PRKCA: variants seen among roughly 807,000 people sequenced by gnomAD.
The protein encoded by PRKCA is protein kinase C alpha type.
In PRKCA, 27 loss-of-function variants were observed where a neutral mutation model predicts 87.0. The ratio of observed to expected loss-of-function variants is 0.31; its 90% CI spans 0.23 to 0.43. The LOEUF is 0.43. Ranked by LOEUF, PRKCA falls within the 20% of genes least tolerant of loss-of-function variation. The pLI, the probability that PRKCA is intolerant of heterozygous loss-of-function variation, is 1.00. For synonymous variants in PRKCA, 329 were observed against 311.1 expected (o/e 1.06, Z -0.61); for missense variants, 518 against 852.3 (o/e 0.61, Z 4.88).
intron 3 of PRKCA, among the ~76,000 whole-genome samples, chr17:66,541,485 G>C (rs1297985191): frequency 6.6e-6 from 1 of 152,226 alleles, no homozygotes; most frequent in Non-Finnish European, 1.5e-5. Flanking sequence ...CTACTCTGCT[G>C]GTCTTGGATG....
intron 3 of PRKCA, among the ~76,000 whole-genome samples, chr17:66,608,551 C>T (rs891156050): frequency 1.3e-5 from 2 of 151,754 alleles, no homozygotes; most frequent in African/African-American, 2.4e-5. Flanking sequence ...TTTTGTATAC[C>T]CTATACGATA....
chr17:66,715,824 C>T (rs962867374), intron 8 of PRKCA, among the ~76,000 whole-genome samples: 2 of 152,098 alleles, frequency 1.3e-5, no homozygotes, highest in African/African-American at 4.8e-5. Context: ...GTAAGGCAGA[C>T]TAGTGAATCT....
intron 16 of PRKCA, among the ~76,000 whole-genome samples, chr17:66,802,274 C>T (rs1975918644): frequency 6.6e-6 from 1 of 152,034 alleles, no homozygotes; most frequent in African/African-American, 2.4e-5. Context: ...GTCATAAAGA[C>T]CTTACTTTGA....
chr17:66,568,960 A>C (rs1968981714), intron 3 of PRKCA, among the ~76,000 whole-genome samples: 1 of 152,126 alleles, frequency 6.6e-6, no homozygotes, highest in Non-Finnish European at 1.5e-5. Context: ...TGGTTTTTTT[A>C]ATGAATGAGG....
At chr17:66,538,512 G>C (rs1000930766) in intron 3 of PRKCA, among the ~76,000 whole-genome samples, 1 of 152,198 alleles carries the variant, frequency 6.6e-6, no homozygotes, top group Non-Finnish European at 1.5e-5. Flanking sequence ...AGCAAACTTC[G>C]AGAAGTGTCT....
At chr17:66,508,781 C>G (rs547982528) in intron 3 of PRKCA, among the ~76,000 whole-genome samples, 1 of 152,312 alleles carries the variant, frequency 6.6e-6, no homozygotes, top group African/African-American at 2.4e-5. Flanking sequence ...GTTGGTCTTA[C>G]TGACTCTGGA....
intron 2 of PRKCA, among the ~76,000 whole-genome samples, chr17:66,423,377 C>A (rs1012491748): frequency 6.6e-6 from 1 of 152,056 alleles, no homozygotes; most frequent in Admixed American, 6.6e-5. Flanking sequence ...GAAATCTTGC[C>A]TTATTTGGAT....
intron 2 of PRKCA, among the ~76,000 whole-genome samples, chr17:66,444,939 C>T (rs1913957019): frequency 1.3e-5 from 2 of 152,166 alleles, no homozygotes; most frequent in South Asian, 4.1e-4. Context: ...GAACACAACA[C>T]ACAACACACA....
chr17:66,494,744 A>G (rs962601227), intron 2 of PRKCA, among the ~76,000 whole-genome samples: 1 of 152,184 alleles, frequency 6.6e-6, no homozygotes. Flanking sequence ...GCTAGACTTC[A>G]AGCTTTCAAG....
intron 3 of PRKCA, among the ~76,000 whole-genome samples, chr17:66,570,724 G>A (rs772548793): frequency 2.0e-5 from 3 of 152,104 alleles, no homozygotes; most frequent in Admixed American, 1.3e-4. Flanking sequence ...AACTGTGCTC[G>A]TCTGGAGCTG....
intron 8 of PRKCA, among the ~76,000 whole-genome samples, chr17:66,728,853 T>C (rs1973818093): frequency 6.6e-6 from 1 of 152,222 alleles, no homozygotes; most frequent in Admixed American, 6.5e-5. Context: ...AACTGCGTGC[T>C]ACAGTTGGAA....
intron 2 of PRKCA, among the ~76,000 whole-genome samples, chr17:66,411,994 A>G (rs1911834580): frequency 1.4e-5 from 2 of 145,178 alleles, no homozygotes; most frequent in South Asian, 4.5e-4. Flanking sequence ...TTTTCAGGAA[A>G]AAAAATCTTT....
Position 66,381,524 on chromosome 17 carries a change from G to T in PRKCA, c.205+75397G>T, listed in dbSNP as rs763341056. Among the ~76,000 whole-genome samples the T allele has an allele frequency of 5.1e-4, 77 of 152,292 alleles. 1 individual carries two copies. The highest frequency in any genetic ancestry group is 3.1e-4 in the Non-Finnish European group (21 of 68,026). On this transcript the variant is annotated intron_variant, in intron 2 of 16. Coordinates refer to ENST00000413366, the MANE Select transcript of PRKCA (RefSeq NM_002737.3). ...GGGCCATGAAGTTTAAATTTGAGAG[G>T]AGGAGAAGGATTGGACAATCAAGGT...
intron 3 of PRKCA, among the ~76,000 whole-genome samples, chr17:66,513,212 A>G (rs1463043850): frequency 6.6e-6 from 1 of 152,194 alleles, no homozygotes; most frequent in Non-Finnish European, 1.5e-5. Flanking sequence ...AATGCATTTT[A>G]GTTGCACAAG....
At chr17:66,439,094 C>T (rs949371231) in intron 2 of PRKCA, among the ~76,000 whole-genome samples, 3 of 152,160 alleles carry the variant, frequency 2.0e-5, no homozygotes, top group Non-Finnish European at 4.4e-5. Context: ...CTGTACTGAG[C>T]GCTTTATATT....
At chr17:66,359,765 C>T (rs1439918785) in intron 2 of PRKCA, among the ~76,000 whole-genome samples, 1 of 152,170 alleles carries the variant, frequency 6.6e-6, no homozygotes, top group East Asian at 1.9e-4. Context: ...AGGCTTCTCT[C>T]AAGTATGTCG....
intron 2 of PRKCA, among the ~76,000 whole-genome samples, chr17:66,333,186 A>G (rs1291633886): frequency 6.6e-6 from 1 of 152,254 alleles, no homozygotes; most frequent in Admixed American, 6.5e-5. Context: ...CATGCAGTCT[A>G]CTACATCAAT....
chr17:66,579,873 A>T (rs1969365680), intron 3 of PRKCA, among the ~76,000 whole-genome samples: 2 of 149,200 alleles, frequency 1.3e-5, no homozygotes, highest in South Asian at 4.3e-4. Context: ...ACCGAAGGTT[A>T]AAAAAAAAAT....
At chr17:66,330,869 G>T (rs1432204112) in intron 2 of PRKCA, among the ~76,000 whole-genome samples, 2 of 152,190 alleles carry the variant, frequency 1.3e-5, no homozygotes, top group Non-Finnish European at 2.9e-5. Flanking sequence ...GATCCCAGTA[G>T]GGATGAATAA....
Sources: allele counts gnomAD v4.1 joint callset (sites outside exome capture counted in the v4.1 genomes callset), GRCh38; gene constraint gnomAD v4.1.1; transcripts MANE v1.5; gene names NCBI Gene and HGNC (gene_info 2026-07-23, HGNC 2026-07-21).